The following CLIP4 variants were observed in gnomAD, a reference collection of about 807,000 sequenced individuals.
CLIP4 encodes CAP-Gly domain containing linker protein family member 4, also known as CAP-Gly domain-containing linker protein 4.
In CLIP4, 47 loss-of-function variants were observed where a neutral mutation model predicts 73.1. The ratio of observed to expected loss-of-function variants is 0.64; its 90% CI spans 0.51 to 0.82. The LOEUF (loss-of-function observed/expected upper bound fraction) is 0.82, where lower values mean the gene tolerates loss of function less well. Among genes scored for constraint, CLIP4 ranks in the 40% least tolerant of loss-of-function variants. The pLI, the probability that CLIP4 is intolerant of heterozygous loss-of-function variation, is 0.00. For synonymous variants in CLIP4, 306 were observed against 295.4 expected (o/e 1.04, Z -0.37); for missense variants, 874 against 852.9 (o/e 1.02, Z -0.31).
At chr2:29,136,221 T>C (rs1478708055) in intron 6 of CLIP4, among the ~76,000 whole-genome samples, 1 of 151,702 alleles carries the variant, frequency 6.6e-6, no homozygotes, top group Non-Finnish European at 1.5e-5. Context: ...CTGTTTTCCC[T>C]TTCTTTATAT....
intron 15 of CLIP4, among the ~76,000 whole-genome samples, chr2:29,179,381 C>T (rs573269672): frequency 1.3e-5 from 2 of 152,336 alleles, no homozygotes; most frequent in Admixed American, 6.5e-5. Flanking sequence ...CTAATGGCGG[C>T]GTAAACCTTG....
chr2:29,166,655 T>C (rs1255795507), intron 13 of CLIP4, among the ~76,000 whole-genome samples: 1 of 152,120 alleles, frequency 6.6e-6, no homozygotes, highest in Non-Finnish European at 1.5e-5. Context: ...CTTCTAGAAT[T>C]CACTCCCTCT....
At chr2:29,125,121 G>T (rs1051837897) in intron 2 of CLIP4, among the ~76,000 whole-genome samples, 2 of 152,090 alleles carry the variant, frequency 1.3e-5, no homozygotes, top group Non-Finnish European at 2.9e-5. Context: ...AGCCATTCTT[G>T]GCCTGGGGCT....
chr2:29,101,930 T>C (rs1354081539), intron 1 of CLIP4, among the ~76,000 whole-genome samples: 1 of 152,162 alleles, frequency 6.6e-6, no homozygotes, highest in Non-Finnish European at 1.5e-5. Flanking sequence ...GACCACGGCT[T>C]TTTCATTTGC....
intron 15 of CLIP4, 141 bp from the exon 16 acceptor site, chr2:29,181,431 A>T: frequency 1.4e-6 from 1 of 718,860 alleles, no homozygotes; most frequent in Non-Finnish European, 2.2e-6. Flanking sequence ...TAAAATTTAA[A>T]AATCAAGTTG....
intron 1 of CLIP4, among the ~76,000 whole-genome samples, chr2:29,119,540 G>A (rs1379481132): frequency 6.6e-6 from 1 of 152,094 alleles, no homozygotes; most frequent in Non-Finnish European, 1.5e-5. Context: ...CGTGATTATA[G>A]TCAGATTAAT....
chr2:29,168,437 G>T (rs1471800202), intron 14 of CLIP4, among the ~76,000 whole-genome samples: 2 of 133,756 alleles, frequency 1.5e-5, no homozygotes, highest in African/African-American at 5.5e-5. Context: ...TTTATTTATT[G>T]TTTTTGGTGT....
intron 1 of CLIP4, among the ~76,000 whole-genome samples, chr2:29,100,166 G>T: frequency 6.6e-6 from 1 of 151,992 alleles, no homozygotes; most frequent in East Asian, 1.9e-4. Context: ...CTGAGCTCAA[G>T]TGATCCGCCC....
intron 9 of CLIP4, 100 bp downstream of exon 9, chr2:29,152,928 T>A: frequency 7.6e-7 from 1 of 1,312,076 alleles, no homozygotes; most frequent in Non-Finnish European, 1.1e-6. Context: ...GTTAGCCAAC[T>A]CTGAAACCTG....
intron 15 of CLIP4, among the ~76,000 whole-genome samples, chr2:29,178,063 A>C (rs1052702494): frequency 5.3e-5 from 8 of 152,248 alleles, no homozygotes; most frequent in South Asian, 4.1e-4. Context: ...ACAATATTTG[A>C]AAAATGAAGA....
chr2:29,143,997 T>C, intron 7 of CLIP4, 52 bp downstream of exon 7: 1 of 1,451,858 alleles, frequency 6.9e-7, no homozygotes, highest in Non-Finnish European at 9.5e-7. Flanking sequence ...GTCCATGACC[T>C]ATGTTCAAGG....
Position 29,135,676 on chromosome 2 carries a change from T to G in CLIP4, c.648+10T>G. On this transcript the variant is annotated intron_variant, in intron 6 of 15. Transcript: ENST00000320081. Reference sequence around the variant, plus strand: ...AAATCCTGCATTTAGGGTAAGAGGTTAAATTAAAAGTGAAAAATATTAAAA... The same window carrying G: ...AAATCCTGCATTTAGGGTAAGAGGTGAAATTAAAAGTGAAAAATATTAAAA... 1 of 1,549,392 alleles carries G rather than the reference T, an allele frequency of 6.5e-7. No homozygotes were observed. Among genetic ancestry groups the G allele is most frequent in the Non-Finnish European group, 8.8e-7 (1 of 1,136,752 alleles).
At chr2:29,129,213 A>T (rs1664809596) in intron 2 of CLIP4, among the ~76,000 whole-genome samples, 1 of 152,204 alleles carries the variant, frequency 6.6e-6, no homozygotes, top group African/African-American at 2.4e-5. Flanking sequence ...AGACCTACAT[A>T]GAATCAAAGT....
At position 29,152,750 on chromosome 2, in the gene CLIP4, C is replaced by G. The variant is rs868452996; in HGVS notation, c.1087C>G (p.Pro363Ala). ...TCGAAGGAAGAATATAACACACACTCCTTCTACAAAAGCTGCTGTACCTCT... is the reference window on the plus strand; with the variant it reads ...TCGAAGGAAGAATATAACACACACTGCTTCTACAAAAGCTGCTGTACCTCT... ...KGRRKNITHT[P>A]STKAAVPLIR... The change falls in exon 9 of 16, where the codon CCT becomes GCT. Residue 363 changes from proline (P) to alanine (A), a missense_variant. Physicochemically the swap from Pro to Ala is conservative, Grantham distance 27 (BLOSUM62 -1). Transcript: ENST00000320081. 4 of 1,613,872 alleles carry G rather than the reference C, an allele frequency of 2.5e-6. No homozygotes were observed. Among genetic ancestry groups the G allele is most frequent in the Non-Finnish European group, 3.4e-6 (4 of 1,179,846 alleles).
upstream of CLIP4, chr2:29,115,366 G>C (rs552543707): frequency 6.6e-6 from 1 of 151,776 alleles, no homozygotes; most frequent in Admixed American, 6.6e-5. The surrounding 1 kb of genome is among the most constrained non-coding windows in gnomAD (Gnocchi z 5.1). Context: ...TGGGGAGTGC[G>C]GGGGCGCGGG....
intron 2 of CLIP4, among the ~76,000 whole-genome samples, chr2:29,127,577 C>G (rs1664685668): frequency 6.6e-6 from 1 of 152,102 alleles, no homozygotes; most frequent in Non-Finnish European, 1.5e-5. Context: ...TATAATCACC[C>G]TCATCAGTTC....
chr2:29,150,334 C>T (rs374598800), intron 8 of CLIP4, among the ~76,000 whole-genome samples: 4 of 152,162 alleles, frequency 2.6e-5, no homozygotes, highest in African/African-American at 7.2e-5. Flanking sequence ...TTTTAATCAT[C>T]GTAAGAGGGT....
At chr2:29,113,531 G>A (rs1056080456), upstream of CLIP4, among the ~76,000 whole-genome samples, 2 of 152,188 alleles carry the variant, frequency 1.3e-5, no homozygotes, top group Admixed American at 6.5e-5. The surrounding 1 kb of genome is among the most constrained non-coding windows in gnomAD (Gnocchi z 4.0). Flanking sequence ...AAGAAGTAAC[G>A]TCAGATTTTT....
chr2:29,137,033 T>A (rs956896867), intron 6 of CLIP4, among the ~76,000 whole-genome samples: 1 of 152,144 alleles, frequency 6.6e-6, no homozygotes, highest in Admixed American at 6.6e-5. Context: ...ATTTTTTAAT[T>A]TTTATTTTAA....
Sources: gnomAD v4.1 joint callset for allele counts (sites outside exome capture counted in the v4.1 genomes callset) on GRCh38, gnomAD v4.1.1 for gene constraint, Gnocchi (gnomAD v3.1) non-coding constraint, MANE v1.5 for transcripts, NCBI Gene and HGNC (gene_info 2026-07-23, HGNC 2026-07-21) for gene names.